The following SAMD12 variants were observed in gnomAD, a reference collection of about 807,000 sequenced individuals.
The protein encoded by SAMD12 is sterile alpha motif domain containing 12.
A neutral mutation model predicts 15.0 loss-of-function variants in SAMD12; 9 were observed. That is an observed-to-expected ratio of 0.60 (90% CI 0.36 to 1.05). SAMD12 has a LOEUF of 1.05. Among genes scored for constraint, SAMD12 ranks in the 50% least tolerant of loss-of-function variants. The pLI, the probability that SAMD12 is intolerant of heterozygous loss-of-function variation, is 0.01. For missense variants in SAMD12, 230 were observed against 234.2 expected (o/e 0.98, Z 0.12); for synonymous variants, 86 against 90.1 (o/e 0.96, Z 0.25).
chr8:118,278,991 C>A (rs919813430), intron 4 of SAMD12, among the ~76,000 whole-genome samples: 1 of 152,142 alleles, frequency 6.6e-6, no homozygotes, highest in Non-Finnish European at 1.5e-5. Flanking sequence ...ACATGCTTTC[C>A]CAATGGGCTT....
intron 1 of SAMD12, among the ~76,000 whole-genome samples, chr8:118,588,821 C>T (rs1241536112): frequency 1.3e-5 from 2 of 152,132 alleles, no homozygotes; most frequent in African/African-American, 2.4e-5. Context: ...TCTGTACTTC[C>T]CCACTCCCAG....
At chr8:118,188,307 T>C (rs1281818969), downstream of SAMD12, among the ~76,000 whole-genome samples, 1 of 152,162 alleles carries the variant, frequency 6.6e-6, no homozygotes, top group Non-Finnish European at 1.5e-5. Context: ...GGCTTTACCA[T>C]CTTCTAAAAA....
At chr8:118,542,457 G>T (rs1423202016) in intron 2 of SAMD12, among the ~76,000 whole-genome samples, 1 of 152,058 alleles carries the variant, frequency 6.6e-6, no homozygotes, top group African/African-American at 2.4e-5. Context: ...ACTAAAAATG[G>T]TATAATCTTA....
At chr8:118,191,289 A>G (rs1306886949) in exon 5 of SAMD12, 1 of 152,040 alleles carries the variant, frequency 6.6e-6, no homozygotes, top group Non-Finnish European at 1.5e-5. Context: ...ACATCTTTCT[A>G]TTGGTGGAAG....
rs376331201 is a variant in SAMD12, at chr8:118,265,771, A to G, written c.434-68039T>C. On this transcript the variant is annotated intron_variant, in intron 4 of 4. Coordinates refer to the SAMD12 transcript ENST00000409003. ...AGAGAACCTGTGATTCTCTTAAAGT[A>G]TATGTAAAATTTGTATATAGGAATT... Among the ~76,000 whole-genome samples the G allele has an allele frequency of 1.4e-3, 212 of 152,066 alleles. 1 individual carries two copies. The highest frequency in any genetic ancestry group is 4.8e-3 in the African/African-American group (201 of 41,498).
In SAMD12 at chr8:118,345,776, T is replaced by C. The variant is rs546648696; in HGVS notation, c.433+33784A>G. Reference sequence around the variant, plus strand: ...AACAAGGTCAAAGGACAGGGTAGGTTAGTCTAGGCATACAAAGTAGGGGAG... The same window carrying C: ...AACAAGGTCAAAGGACAGGGTAGGTCAGTCTAGGCATACAAAGTAGGGGAG... On this transcript the variant is annotated intron_variant, in intron 4 of 4. Coordinates refer to the SAMD12 transcript ENST00000409003. 1.5e-4 allele frequency among the ~76,000 whole-genome samples: 23 copies of C among 152,312 alleles called. No homozygotes were observed. In the South Asian group the frequency reaches 4.8e-3, roughly 32 times the overall value.
intron 3 of SAMD12, among the ~76,000 whole-genome samples, chr8:118,428,723 A>G (rs11777111): frequency 0.54 from 81,586 of 151,912 alleles, 24,315 homozygotes; most frequent in Non-Finnish European, 0.65. Flanking sequence ...GCTTTGGTAC[A>G]ATTTTTGAAA....
intron 2 of SAMD12, among the ~76,000 whole-genome samples, chr8:118,572,434 G>A (rs1479628660): frequency 1.3e-5 from 2 of 152,230 alleles, no homozygotes; most frequent in East Asian, 1.9e-4. Context: ...GATTTGGGAG[G>A]GGCCAGGGGC....
chr8:118,413,526 T>A (rs958053399), intron 3 of SAMD12, among the ~76,000 whole-genome samples: 10 of 152,194 alleles, frequency 6.6e-5, no homozygotes, highest in African/African-American at 2.4e-4. Flanking sequence ...GAGCACTGCA[T>A]CCACAATGGT....
rs985181133 is a variant in SAMD12 at position 118,317,746 on chromosome 8, C to G, written c.433+61814G>C. Among the ~76,000 whole-genome samples, 3 of 152,076 alleles carry G rather than the reference C, an allele frequency of 2.0e-5. No individual in the cohort carries two copies. The East Asian group carries it at 5.8e-4, about 29-fold the overall frequency. On this transcript the variant is annotated intron_variant, in intron 4 of 4. Coordinates refer to the SAMD12 transcript ENST00000409003. ...GAACTGTACAATTAATATAGGTGTA[C>G]TTTTCTGTGTTATACTTCAATGAAA...
chr8:118,568,887 C>T (rs1167833101), intron 2 of SAMD12, among the ~76,000 whole-genome samples: 5 of 152,174 alleles, frequency 3.3e-5, no homozygotes, highest in Admixed American at 3.3e-4. Context: ...AGAACAACCA[C>T]AGGAGCTGAC....
At chr8:118,203,925 T>C (rs557960416) in intron 4 of SAMD12, among the ~76,000 whole-genome samples, 1 of 152,062 alleles carries the variant, frequency 6.6e-6, no homozygotes, top group East Asian at 1.9e-4. Context: ...CCTTTTTTTT[T>C]TGTTTGTTTC....
chr8:118,328,886 T>C (rs1816682842), intron 4 of SAMD12, among the ~76,000 whole-genome samples: 1 of 152,150 alleles, frequency 6.6e-6, no homozygotes, highest in Admixed American at 6.5e-5. Context: ...AGGTCTCACA[T>C]GAAAGCAAGC....
At chr8:118,606,527 C>A (rs1334778654) in intron 1 of SAMD12, among the ~76,000 whole-genome samples, 1 of 151,726 alleles carries the variant, frequency 6.6e-6, no homozygotes, top group Non-Finnish European at 1.5e-5. Context: ...CTGGGGTGAA[C>A]CCCAGAAAAC....
At chr8:118,536,437 TACACAAACAC>T (rs144938050) in intron 2 of SAMD12, among the ~76,000 whole-genome samples, 9 of 128,260 alleles carry the variant, frequency 7.0e-5, no homozygotes, top group African/African-American at 2.6e-4. Flanking sequence ...TGTAGACTGA[TACACAAACAC>T]ACACACACAC....
chr8:118,496,304 T>C (rs1339020309), intron 2 of SAMD12, among the ~76,000 whole-genome samples: 1 of 152,136 alleles, frequency 6.6e-6, no homozygotes, highest in Non-Finnish European at 1.5e-5. Flanking sequence ...GGCATCACAC[T>C]ACCTGACTTC....
intron 4 of SAMD12, among the ~76,000 whole-genome samples, chr8:118,235,556 G>A (rs920936450): frequency 2.0e-5 from 3 of 152,106 alleles, no homozygotes; most frequent in Non-Finnish European, 4.4e-5. Flanking sequence ...GATAAAGGAG[G>A]AGTCGTTTTC....
At position 118,539,782 on chromosome 8, in the gene SAMD12, G is replaced by C. The variant is rs538873248; in HGVS notation, c.192+40933C>G. On this transcript the variant is annotated intron_variant, in intron 2 of 3. Transcript: ENST00000314727. Reference sequence around the variant, plus strand: ...TAAACTCAAGTGCCATCCATGGGTGGCCATGTGCTGCCATGTGGACTGGGA... The same window carrying C: ...TAAACTCAAGTGCCATCCATGGGTGCCCATGTGCTGCCATGTGGACTGGGA... Among the ~76,000 whole-genome samples, 6 of 152,220 alleles carry C rather than the reference G, an allele frequency of 3.9e-5. No individual in the cohort carries two copies. The South Asian group carries it at 1.2e-3, about 32-fold the overall frequency.
the SAMD12 span, among the ~76,000 whole-genome samples, chr8:118,165,739 T>G: frequency 6.6e-6 from 1 of 151,232 alleles, no homozygotes; most frequent in Non-Finnish European, 1.5e-5. Context: ...GCTTTTAAAT[T>G]TACTTATTAT....
Sources: allele counts gnomAD v4.1 joint callset (sites outside exome capture counted in the v4.1 genomes callset), GRCh38; gene constraint gnomAD v4.1.1; transcripts MANE v1.5; gene names NCBI Gene and HGNC (gene_info 2026-07-23, HGNC 2026-07-21).